Variants in CADPS observed in about 807,000 individuals in gnomAD.
CADPS encodes calcium-dependent secretion activator 1.
A neutral mutation model predicts 167.3 loss-of-function variants in CADPS; 57 were observed. The observed-to-expected ratio is 0.34, with a 90% CI of 0.28 to 0.42. The LOEUF (loss-of-function observed/expected upper bound fraction) is 0.42. Among genes scored for constraint, CADPS ranks in the 20% least tolerant of loss-of-function variants. The pLI, the probability that CADPS is intolerant of heterozygous loss-of-function variation, is 1.00. For missense variants in CADPS, 1,414 were observed against 1,738.1 expected (o/e 0.81, Z 3.32); for synonymous variants, 676 against 635.3 (o/e 1.06, Z -0.96).
chr3:62,828,138 A>G (rs2074399605), intron 1 of CADPS, among the ~76,000 whole-genome samples: 2 of 152,236 alleles, frequency 1.3e-5, no homozygotes, highest in Middle Eastern at 3.4e-3. Context: ...AGTCATGGTC[A>G]TTCAACATTT....
At chr3:62,844,169 G>GT (rs1219059993) in intron 1 of CADPS, among the ~76,000 whole-genome samples, 3 of 152,182 alleles carry the variant, frequency 2.0e-5, no homozygotes, top group Non-Finnish European at 4.4e-5. Context: ...AATCACAGTT[G>GT]TAAGGTAAGA....
chr3:62,870,160 C>A (rs2082366294), intron 1 of CADPS, among the ~76,000 whole-genome samples: 2 of 152,112 alleles, frequency 1.3e-5, no homozygotes, highest in South Asian at 4.2e-4. Context: ...GCCAACAAGC[C>A]CATTTAAATA....
At chr3:62,840,931 T>C (rs949680630) in intron 1 of CADPS, among the ~76,000 whole-genome samples, 4 of 152,198 alleles carry the variant, frequency 2.6e-5, no homozygotes, top group African/African-American at 9.6e-5. Flanking sequence ...GAAATCACAA[T>C]AGAAACAGTT....
intron 3 of CADPS, among the ~76,000 whole-genome samples, chr3:62,677,264 C>G (rs2076473244): frequency 2.0e-5 from 3 of 152,032 alleles, no homozygotes; most frequent in Admixed American, 2.0e-4. Context: ...CACCTTCCTC[C>G]TCACCACTAG....
intron 3 of CADPS, among the ~76,000 whole-genome samples, chr3:62,734,821 G>A (rs1161013065): frequency 6.6e-6 from 1 of 152,150 alleles, no homozygotes; most frequent in African/African-American, 2.4e-5. Context: ...TTTACCAAGA[G>A]ATGGAACTAC....
chr3:62,765,201 C>T (rs1319789505), intron 2 of CADPS, among the ~76,000 whole-genome samples: 2 of 152,156 alleles, frequency 1.3e-5, no homozygotes, highest in African/African-American at 2.4e-5. Flanking sequence ...AATATGCACA[C>T]TGAGATAGAA....
At chr3:62,740,264 C>G (rs1255796622) in intron 3 of CADPS, among the ~76,000 whole-genome samples, 19 of 152,222 alleles carry the variant, frequency 1.2e-4, no homozygotes, top group Admixed American at 1.2e-3. Context: ...CCCCAAAGTG[C>G]AATGGCAGCA....
At chr3:62,855,440 T>C (rs559990311) in intron 1 of CADPS, among the ~76,000 whole-genome samples, 11 of 152,176 alleles carry the variant, frequency 7.2e-5, no homozygotes, top group Non-Finnish European at 1.2e-4. Context: ...ATGCCATGAT[T>C]AGTAGTAATA....
chr3:62,594,146 T>A (rs1229644032), intron 6 of CADPS, among the ~76,000 whole-genome samples: 1 of 145,178 alleles, frequency 6.9e-6, no homozygotes, highest in African/African-American at 2.5e-5. Flanking sequence ...TTTATTTATT[T>A]TTTTTATTTT....
Position 62,701,844 on chromosome 3 carries a change from A to C in CADPS, c.889-39450T>G, listed in dbSNP as rs140821058. Among the ~76,000 whole-genome samples the C allele has an allele frequency of 1.4e-3, 216 of 152,128 alleles. 2 individuals carry two copies. Among genetic ancestry groups the C allele is most frequent in the Middle Eastern group, 6.9e-3 (2 of 290 alleles). ...TGTGAAAGGAAAACAAAAACTCAGG[A>C]CCCCAACTCACTATGTCAAAAGGAA... On this transcript the variant is annotated intron_variant, in intron 3 of 29. Coordinates refer to ENST00000383710, the MANE Select transcript of CADPS (RefSeq NM_003716.4).
intron 21 of CADPS, among the ~76,000 whole-genome samples, chr3:62,486,818 T>C (rs993380852): frequency 1.3e-5 from 2 of 152,252 alleles, no homozygotes; most frequent in African/African-American, 4.8e-5. Flanking sequence ...ACAGGCAGTG[T>C]GCTTGGAGTA....
At chr3:62,666,458 G>A (rs1423554719) in intron 3 of CADPS, among the ~76,000 whole-genome samples, 3 of 152,126 alleles carry the variant, frequency 2.0e-5, no homozygotes, top group East Asian at 1.9e-4. Context: ...TGTTTATTGC[G>A]CTGGTCTTTT....
At chr3:62,685,371 G>GTT (rs2077815102) in intron 3 of CADPS, among the ~76,000 whole-genome samples, 1 of 151,908 alleles carries the variant, frequency 6.6e-6, no homozygotes, top group Non-Finnish European at 1.5e-5. Flanking sequence ...AATGCGTAGA[G>GTT]TTTATATGGA....
chr3:62,498,693 C>A (rs1299168907), intron 18 of CADPS, among the ~76,000 whole-genome samples: 1 of 151,216 alleles, frequency 6.6e-6, no homozygotes, highest in East Asian at 2.0e-4. Flanking sequence ...CTGTGTTTAA[C>A]AACCCAGGCA....
At chr3:62,522,393 C>T (rs928201366) in intron 13 of CADPS, among the ~76,000 whole-genome samples, 1 of 152,108 alleles carries the variant, frequency 6.6e-6, no homozygotes, top group African/African-American at 2.4e-5. Context: ...CCCACCTCAG[C>T]CTTGCAAAAT....
At chr3:62,576,842 A>G (rs960058246) in intron 8 of CADPS, among the ~76,000 whole-genome samples, 1 of 149,984 alleles carries the variant, frequency 6.7e-6, no homozygotes, top group Admixed American at 6.7e-5. Flanking sequence ...AAGAGTAAAT[A>G]ATTTTGGGTG....
chr3:62,809,304 C>T (rs1322886134), intron 1 of CADPS, among the ~76,000 whole-genome samples: 1 of 152,198 alleles, frequency 6.6e-6, no homozygotes, highest in African/African-American at 2.4e-5. Flanking sequence ...CAAACTGTTT[C>T]CTCTGGCTCA....
intron 3 of CADPS, among the ~76,000 whole-genome samples, chr3:62,701,215 C>T (rs1240004189): frequency 1.3e-5 from 2 of 152,054 alleles, no homozygotes; most frequent in Non-Finnish European, 2.9e-5. Flanking sequence ...CCAGAAACTG[C>T]CGTTACACCC....
chr3:62,469,303 G>C (rs1051259208), intron 24 of CADPS, among the ~76,000 whole-genome samples: 105 of 152,122 alleles, frequency 6.9e-4, no homozygotes, highest in African/African-American at 2.5e-3. Context: ...TGAGTACTCT[G>C]CTTTCACTCC....
Sources: allele counts gnomAD v4.1 joint callset (sites outside exome capture counted in the v4.1 genomes callset), GRCh38; gene constraint gnomAD v4.1.1; transcripts MANE v1.5; gene names NCBI Gene and HGNC (gene_info 2026-07-23, HGNC 2026-07-21).